The following ADAMTSL3 variants were observed in gnomAD, a reference collection of about 807,000 sequenced individuals.
ADAMTSL3 encodes the protein ADAMTS like 3.
In ADAMTSL3, 128 loss-of-function variants were observed where a neutral mutation model predicts 201.7. That is an observed-to-expected ratio of 0.63 (90% CI 0.55 to 0.73). ADAMTSL3 has a LOEUF of 0.73. Among genes scored for constraint, ADAMTSL3 ranks in the 30% least tolerant of loss-of-function variants. ADAMTSL3 has a pLI of 0.00. For synonymous variants in ADAMTSL3, 738 were observed against 748.4 expected, an observed-to-expected ratio of 0.99 and a Z score of 0.23; for missense variants, 1,990 against 2,119.6, an observed-to-expected ratio of 0.94 and a Z score of 1.20.
In ADAMTSL3 at chr15:84,038,680, T is replaced by C. The variant is rs539493229; in HGVS notation, c.*874T>C. 2 of 152,704 alleles carry C rather than the reference T, an allele frequency of 1.3e-5. No individual in the cohort carries two copies. Among genetic ancestry groups the C allele is most frequent in the South Asian group, 4.1e-4 (2 of 4,828 alleles). The allele number at this position is 152,704 out of a possible 1,614,324, so 9.5% of individuals were successfully genotyped here. On this transcript the variant is annotated 3_prime_UTR_variant, in exon 30 of 30. Coordinates refer to ENST00000286744, the MANE Select transcript of ADAMTSL3 (RefSeq NM_207517.3). Reference sequence around the variant, plus strand: ...TCCTGAGAACTTTATTTTGGAAAATTTATAAGAAAGTAATCCAAATAAGAA... The same window carrying C: ...TCCTGAGAACTTTATTTTGGAAAATCTATAAGAAAGTAATCCAAATAAGAA...
intron 2 of ADAMTSL3, among the ~76,000 whole-genome samples, chr15:83,696,543 G>T (rs972928693): frequency 2.0e-5 from 3 of 152,234 alleles, no homozygotes; most frequent in Non-Finnish European, 4.4e-5. Flanking sequence ...GTTAAAATCT[G>T]TTGGAATCTC....
At chr15:83,727,784 A>T (rs1431143500) in intron 3 of ADAMTSL3, among the ~76,000 whole-genome samples, 1 of 152,020 alleles carries the variant, frequency 6.6e-6, no homozygotes, top group Non-Finnish European at 1.5e-5. Flanking sequence ...TTGGCCTAAC[A>T]TGTGGTCTAT....
chr15:83,678,134 A>G (rs1475973134), intron 2 of ADAMTSL3, among the ~76,000 whole-genome samples: 13 of 152,062 alleles, frequency 8.5e-5, no homozygotes, highest in Admixed American at 7.2e-4. Flanking sequence ...TGAGCACCAC[A>G]TCAGATGACA....
chr15:83,952,401 G>T (rs908936564), intron 19 of ADAMTSL3, among the ~76,000 whole-genome samples: 2 of 152,138 alleles, frequency 1.3e-5, no homozygotes, highest in Non-Finnish European at 2.9e-5. Flanking sequence ...AATAATCCAT[G>T]TGCTGAAGAG....
At chr15:83,716,928 CT>C (rs1480585112) in intron 3 of ADAMTSL3, among the ~76,000 whole-genome samples, 1 of 152,080 alleles carries the variant, frequency 6.6e-6, no homozygotes, top group African/African-American at 2.4e-5. Flanking sequence ...GTAAATTTTT[CT>C]TTATAATTGG....
intron 6 of ADAMTSL3, 49 bp from the exon 7 acceptor site, chr15:83,838,040 C>G: frequency 1.9e-6 from 3 of 1,578,840 alleles, no homozygotes; most frequent in South Asian, 2.4e-5. Context: ...AAGAGAGCTC[C>G]CCCTCCCCTG....
chr15:83,909,985 T>A (rs1008944353), intron 15 of ADAMTSL3, among the ~76,000 whole-genome samples: 2 of 152,178 alleles, frequency 1.3e-5, no homozygotes, highest in African/African-American at 4.8e-5. Flanking sequence ...TTTCCATCCC[T>A]ACAAAAGTTT....
intron 2 of ADAMTSL3, among the ~76,000 whole-genome samples, chr15:83,673,794 C>T (rs1369319412): frequency 3.9e-5 from 6 of 152,170 alleles, no homozygotes; most frequent in Non-Finnish European, 7.3e-5. Context: ...CTGACAATCC[C>T]TGATAAGGTC....
intron 3 of ADAMTSL3, among the ~76,000 whole-genome samples, chr15:83,768,024 C>A (rs2062920689): frequency 6.6e-6 from 1 of 152,184 alleles, no homozygotes; most frequent in Non-Finnish European, 1.5e-5. Flanking sequence ...CAGATCTCAA[C>A]AGGCTGGTAT....
chr15:83,891,869 C>T (rs1029811433), intron 12 of ADAMTSL3, among the ~76,000 whole-genome samples: 2 of 152,172 alleles, frequency 1.3e-5, no homozygotes, highest in Non-Finnish European at 2.9e-5. Context: ...ACAGAAACCC[C>T]GGATGTGAGG....
At chr15:83,887,743 C>T (rs1327216332) in intron 10 of ADAMTSL3, among the ~76,000 whole-genome samples, 1 of 152,142 alleles carries the variant, frequency 6.6e-6, no homozygotes. Flanking sequence ...GCATGTGCCA[C>T]CATGCCTGGC....
At chr15:83,990,567 A>G (rs1048676623) in intron 22 of ADAMTSL3, among the ~76,000 whole-genome samples, 3 of 152,162 alleles carry the variant, frequency 2.0e-5, no homozygotes, top group African/African-American at 4.8e-5. Context: ...GGACAACAGA[A>G]TGGATCAGGA....
At chr15:83,913,554 T>C (rs982353144) in intron 16 of ADAMTSL3, among the ~76,000 whole-genome samples, 176 bp downstream of exon 16, 7 of 152,022 alleles carry the variant, frequency 4.6e-5, no homozygotes, top group Non-Finnish European at 1.0e-4. Flanking sequence ...TTTGTAGTGA[T>C]TATTTTAGAA....
At chr15:83,990,205 T>C (rs1202988728) in intron 22 of ADAMTSL3, among the ~76,000 whole-genome samples, 1 of 152,128 alleles carries the variant, frequency 6.6e-6, no homozygotes, top group African/African-American at 2.4e-5. Context: ...AGCACACATA[T>C]AGCTTATTAG....
chr15:83,820,127 T>C (rs543450703), intron 6 of ADAMTSL3, 80 bp downstream of exon 6: 1 of 1,289,472 alleles, frequency 7.8e-7, no homozygotes, highest in Admixed American at 1.7e-5. Context: ...TTTTCTTCTG[T>C]ATTTTTGTTC....
At chr15:83,974,849 GA>G (rs2067254603) in intron 20 of ADAMTSL3, among the ~76,000 whole-genome samples, 1 of 152,074 alleles carries the variant, frequency 6.6e-6, no homozygotes, top group Non-Finnish European at 1.5e-5. Flanking sequence ...CTGAGATCAG[GA>G]TGGATTAGGG....
intron 3 of ADAMTSL3, among the ~76,000 whole-genome samples, chr15:83,767,249 C>T (rs2062907262): frequency 6.6e-6 from 1 of 152,168 alleles, no homozygotes; most frequent in African/African-American, 2.4e-5. Flanking sequence ...GCAGGCAGTA[C>T]TCACGCTGTG....
intron 3 of ADAMTSL3, among the ~76,000 whole-genome samples, chr15:83,770,482 C>T (rs1044175562): frequency 1.3e-5 from 2 of 152,054 alleles, no homozygotes; most frequent in East Asian, 1.9e-4. Context: ...GTACATTTTG[C>T]GTATATACGC....
intron 19 of ADAMTSL3, among the ~76,000 whole-genome samples, chr15:83,965,349 C>CAAAAA (rs143907808): frequency 3.2e-4 from 31 of 98,378 alleles, no homozygotes; most frequent in South Asian, 4.1e-4. Context: ...AAATGGAAAG[C>CAAAAA]AAAAAAAAAA....
Sources: allele counts gnomAD v4.1 joint callset (sites outside exome capture counted in the v4.1 genomes callset), GRCh38; gene constraint gnomAD v4.1.1; transcripts MANE v1.5; gene names NCBI Gene and HGNC (gene_info 2026-07-23, HGNC 2026-07-21).